Variants in NXPH2 observed in about 807,000 individuals in gnomAD.
The protein encoded by NXPH2 is neurexophilin 2.
A neutral mutation model predicts 19.8 loss-of-function variants in NXPH2; 5 were observed. The observed-to-expected ratio is 0.25, with a 90% CI of 0.13 to 0.53. The LOEUF (loss-of-function observed/expected upper bound fraction) is 0.53, where lower values mean the gene tolerates loss of function less well. Among genes scored for constraint, NXPH2 ranks in the 20% least tolerant of loss-of-function variants. The pLI, the probability that NXPH2 is intolerant of heterozygous loss-of-function variation, is 0.96. For synonymous variants in NXPH2, 154 were observed against 127.4 expected (o/e 1.21, Z -1.41); for missense variants, 289 against 322.8 (o/e 0.90, Z 0.80).
chr2:138,753,201 G>C (rs1396385550), intron 1 of NXPH2, among the ~76,000 whole-genome samples: 2 of 152,052 alleles, frequency 1.3e-5, no homozygotes, highest in Non-Finnish European at 2.9e-5. Context: ...AGGATAAATG[G>C]TTATTGATTT....
chr2:138,670,722 T>C lies in NXPH2; in HGVS notation c.*200A>G. ...TTCATAAACAGTTTAACTTTTTAGATAAAGGTACCTACGATAGAAAGAAAC... is the reference window on the plus strand; with the variant it reads ...TTCATAAACAGTTTAACTTTTTAGACAAAGGTACCTACGATAGAAAGAAAC... On this transcript the variant is annotated 3_prime_UTR_variant, in exon 2 of 2. Coordinates refer to ENST00000272641, the MANE Select transcript of NXPH2 (RefSeq NM_007226.3). 4.0e-6 allele frequency: 2 copies of C among 495,194 alleles called. No homozygotes were observed. The highest frequency in any genetic ancestry group is 6.9e-6 in the Non-Finnish European group (2 of 288,078). 30.7% of individuals were successfully genotyped at this position (495,194 alleles called of 1,614,324 possible). A position where few individuals can be genotyped will look rare whatever the true frequency, so the allele number is the denominator to read the frequency against.
chr2:138,757,992 A>G (rs1184728140), intron 1 of NXPH2, among the ~76,000 whole-genome samples: 1 of 152,132 alleles, frequency 6.6e-6, no homozygotes, highest in Non-Finnish European at 1.5e-5. Flanking sequence ...GTGGCTTTCA[A>G]CAAGCTCTGA....
In NXPH2 at chr2:138,699,412, C is replaced by A. The variant is rs1269527089; in HGVS notation, c.52-27747G>T. Among the ~76,000 whole-genome samples the A allele has an allele frequency of 2.0e-5, 3 of 152,128 alleles. No homozygotes were observed. The East Asian group carries it at 5.8e-4, about 29-fold the overall frequency. ...AGAGAAAGTAAAGAAACAAGGCAATCTAGATTACCAGTCTATGCCTTGTGA... is the reference window on the plus strand; with the variant it reads ...AGAGAAAGTAAAGAAACAAGGCAATATAGATTACCAGTCTATGCCTTGTGA... On this transcript the variant is annotated intron_variant, in intron 1 of 1. Transcript: ENST00000272641.
intron 1 of NXPH2, among the ~76,000 whole-genome samples, chr2:138,742,715 C>A (rs1381952084): frequency 3.3e-5 from 5 of 152,180 alleles, no homozygotes; most frequent in African/African-American, 1.2e-4. Context: ...GGGCCCAGAA[C>A]AAGTCAGCTT....
At chr2:138,756,298 T>C (rs1206386749) in intron 1 of NXPH2, among the ~76,000 whole-genome samples, 1 of 152,116 alleles carries the variant, frequency 6.6e-6, no homozygotes, top group Non-Finnish European at 1.5e-5. Context: ...TAGGCCAAGA[T>C]ATGTTTCCCT....
chr2:138,741,323 C>G (rs1254108854), intron 1 of NXPH2, among the ~76,000 whole-genome samples: 1 of 152,178 alleles, frequency 6.6e-6, no homozygotes, highest in East Asian at 1.9e-4. Context: ...AAGAGACTCA[C>G]ACACACTTAT....
intron 1 of NXPH2, among the ~76,000 whole-genome samples, chr2:138,764,692 G>A (rs1280144064): frequency 6.6e-6 from 1 of 152,122 alleles, no homozygotes; most frequent in Non-Finnish European, 1.5e-5. Context: ...TAACTGGTAA[G>A]AAAACCTCAA....
chr2:138,676,462 C>A (rs899240237), intron 1 of NXPH2, among the ~76,000 whole-genome samples: 4 of 152,218 alleles, frequency 2.6e-5, no homozygotes, highest in African/African-American at 4.8e-5. Context: ...GAGCCACAAC[C>A]CTTCCCACCT....
chr2:138,679,442 T>C (rs1680537646), intron 1 of NXPH2, among the ~76,000 whole-genome samples: 2 of 149,860 alleles, frequency 1.3e-5, no homozygotes, highest in Admixed American at 1.3e-4. Context: ...GCTCGGTTGC[T>C]CAGGCTGGAG....
At chr2:138,756,814 C>A (rs190712047) in intron 1 of NXPH2, among the ~76,000 whole-genome samples, 5 of 152,186 alleles carry the variant, frequency 3.3e-5, no homozygotes, top group Admixed American at 6.5e-5. Context: ...GCTGGCAAAT[C>A]AGTTAAGTGG....
intron 1 of NXPH2, among the ~76,000 whole-genome samples, chr2:138,776,618 T>G (rs984207539): frequency 2.7e-5 from 4 of 149,372 alleles, no homozygotes; most frequent in Non-Finnish European, 6.0e-5. Context: ...ATAGTGGTGT[T>G]TTTTTTTTTT....
chr2:138,680,595 T>TTC (rs200623435), intron 1 of NXPH2, among the ~76,000 whole-genome samples: 1 of 151,558 alleles, frequency 6.6e-6, no homozygotes, highest in Admixed American at 6.6e-5. Context: ...CCATCTCTTG[T>TTC]TCTCTCTCTC....
chr2:138,690,160 C>T (rs1249139029), intron 1 of NXPH2, among the ~76,000 whole-genome samples: 11 of 152,172 alleles, frequency 7.2e-5, no homozygotes, highest in East Asian at 1.9e-4. Context: ...CGTCTCTGTC[C>T]GCCTTCCCCC....
chr2:138,679,264 A>C (rs1248159543), intron 1 of NXPH2, among the ~76,000 whole-genome samples: 1 of 152,236 alleles, frequency 6.6e-6, no homozygotes, highest in Non-Finnish European at 1.5e-5. Flanking sequence ...TTTGTTACTT[A>C]CAGATACACT....
chr2:138,718,547 G>C (rs182584194), intron 1 of NXPH2, among the ~76,000 whole-genome samples: 1 of 152,062 alleles, frequency 6.6e-6, no homozygotes, highest in Non-Finnish European at 1.5e-5. Flanking sequence ...ACTCAAAAAG[G>C]CTGTCCAGCA....
intron 1 of NXPH2, among the ~76,000 whole-genome samples, chr2:138,680,838 G>T (rs185777170): frequency 1.2e-4 from 18 of 152,286 alleles, no homozygotes; most frequent in Non-Finnish European, 2.4e-4. Context: ...GTTCCAAATT[G>T]TATATTGATT....
chr2:138,767,326 G>A (rs975820009), intron 1 of NXPH2, among the ~76,000 whole-genome samples: 2 of 152,348 alleles, frequency 1.3e-5, no homozygotes, highest in Middle Eastern at 3.4e-3. Context: ...CACTCAGACT[G>A]GAGTGCAACT....
chr2:138,697,766 TA>T (rs1476423582), intron 1 of NXPH2, among the ~76,000 whole-genome samples: 1 of 151,864 alleles, frequency 6.6e-6, no homozygotes, highest in Non-Finnish European at 1.5e-5. Context: ...AACTAATAGA[TA>T]AATAATCACC....
intron 1 of NXPH2, among the ~76,000 whole-genome samples, chr2:138,734,961 C>T (rs772145642): frequency 1.8e-4 from 28 of 152,030 alleles, no homozygotes; most frequent in Non-Finnish European, 3.4e-4. Context: ...GATTTAGGGG[C>T]CATCAGTCTA....
Sources: allele counts gnomAD v4.1 joint callset (sites outside exome capture counted in the v4.1 genomes callset), GRCh38; gene constraint gnomAD v4.1.1; transcripts MANE v1.5; gene names NCBI Gene and HGNC (gene_info 2026-07-23, HGNC 2026-07-21).